The following WDR20 variants were observed in gnomAD, a reference collection of about 807,000 sequenced individuals.
WDR20 encodes the protein WD repeat-containing protein 20.
WDR20 carries 3 observed loss-of-function variants against 38.7 expected under a neutral mutation model. The observed-to-expected ratio is 0.08, with a 90% CI of 0.04 to 0.20. The LOEUF (loss-of-function observed/expected upper bound fraction) is 0.20, where lower values mean the gene tolerates loss of function less well. WDR20 is among the 10% of genes least tolerant of loss of function. WDR20 has a pLI of 1.00. For synonymous variants in WDR20, 298 were observed against 285.6 expected (o/e 1.04, Z -0.44); for missense variants, 559 against 727.7 (o/e 0.77, Z 2.67).
At chr14:102,197,942 A>G (rs2059678900) in intron 2 of WDR20, 1 of 610,918 alleles carries the variant, frequency 1.6e-6, no homozygotes, top group Non-Finnish European at 3.0e-6. Context: ...GGTCTGCAGC[A>G]GTGGGCAAAA....
At chr14:102,205,165 G>T (rs530400018) in intron 2 of WDR20, among the ~76,000 whole-genome samples, 38 of 152,228 alleles carry the variant, frequency 2.5e-4, no homozygotes, top group African/African-American at 8.4e-4. Context: ...GGAGGCTGAG[G>T]TGGGAGGATT....
chr14:102,206,641 G>T (rs2061585139), intron 2 of WDR20, among the ~76,000 whole-genome samples: 1 of 152,234 alleles, frequency 6.6e-6, no homozygotes, highest in African/African-American at 2.4e-5. Flanking sequence ...AATCAGGACA[G>T]CAGTCTGGCT....
At chr14:102,186,854 G>C (rs747521351) in intron 1 of WDR20, among the ~76,000 whole-genome samples, 10 of 152,008 alleles carry the variant, frequency 6.6e-5, no homozygotes, top group Non-Finnish European at 1.0e-4. Flanking sequence ...GGAGGCTGAG[G>C]CAGGAGAATG....
At chr14:102,213,779 G>C (rs1384899182), downstream of WDR20, 1 of 985,314 alleles carries the variant, frequency 1.0e-6, no homozygotes. Flanking sequence ...CTCTCGCCTG[G>C]GAGGGAGACG....
intron 2 of WDR20, among the ~76,000 whole-genome samples, chr14:102,206,698 G>A (rs926154709): frequency 2.4e-4 from 37 of 152,354 alleles, no homozygotes; most frequent in African/African-American, 8.9e-4. Flanking sequence ...CAAGGCCAGT[G>A]ATGGAGCGAG....
At chr14:102,173,959 G>A (rs1344490098) in intron 1 of WDR20, among the ~76,000 whole-genome samples, 1 of 151,640 alleles carries the variant, frequency 6.6e-6, no homozygotes, top group Non-Finnish European at 1.5e-5. Flanking sequence ...CAGGAGAATG[G>A]TGTGAACCCG....
intron 1 of WDR20, among the ~76,000 whole-genome samples, chr14:102,146,941 G>A (rs1182133321): frequency 1.3e-5 from 2 of 152,108 alleles, no homozygotes; most frequent in Non-Finnish European, 2.9e-5. Context: ...GGAAACTTGT[G>A]TTTCTTTTCC....
chr14:102,162,663 C>T (rs1371548788), intron 1 of WDR20, among the ~76,000 whole-genome samples: 1 of 152,082 alleles, frequency 6.6e-6, no homozygotes, highest in Admixed American at 6.6e-5. Context: ...GTTGCCCAGG[C>T]TGGAGTGCAG....
chr14:102,222,957 G>GC lies in WDR20; in HGVS notation c.*76dup, dbSNP rs1224988145. On this transcript the variant is annotated 3_prime_UTR_variant, in exon 4 of 4. Coordinates refer to the WDR20 transcript ENST00000335263. The surrounding 1 kb of genome is among the most constrained non-coding windows in gnomAD (Gnocchi z 4.4). ...GTGACGAGGAGGAGCTCCGAGCTGC[G>GC]CCTGAGCCGTGCCAGCCGGCGGACC... 2.3e-5 allele frequency: 37 copies of GC among 1,584,414 alleles called. No individual in the cohort carries two copies. The highest frequency in any genetic ancestry group is 3.1e-5 in the Non-Finnish European group (36 of 1,156,050).
chr14:102,167,746 T>C (rs1049103105), intron 1 of WDR20: 6 of 152,220 alleles, frequency 3.9e-5, no homozygotes, highest in African/African-American at 1.4e-4. Context: ...AATTGAAATG[T>C]AATGTCTCTT....
At chr14:102,192,011 A>G (rs1000306477) in intron 1 of WDR20, among the ~76,000 whole-genome samples, 6 of 152,212 alleles carry the variant, frequency 3.9e-5, no homozygotes, top group Non-Finnish European at 7.3e-5. Flanking sequence ...GTCCGTTGCC[A>G]TAAAAGTTTC....
chr14:102,215,733 T>C (rs189798346), downstream of WDR20, among the ~76,000 whole-genome samples: 92 of 152,336 alleles, frequency 6.0e-4, no homozygotes, highest in Middle Eastern at 6.8e-3. Flanking sequence ...GGCGTGAGGT[T>C]GTCCTGCTGT....
intron 1 of WDR20, among the ~76,000 whole-genome samples, chr14:102,160,298 A>C (rs1175305080): frequency 6.6e-6 from 1 of 152,198 alleles, no homozygotes; most frequent in Non-Finnish European, 1.5e-5. Context: ...TGGTTGCAGC[A>C]TATAGAACAA....
At chr14:102,210,687 TTG>T, downstream of WDR20, among the ~76,000 whole-genome samples, 1 of 152,088 alleles carries the variant, frequency 6.6e-6, no homozygotes, top group South Asian at 2.1e-4. Context: ...TGCACTTTGC[TTG>T]TGTGTTTTCC....
At chr14:102,172,591 C>T (rs1163779189) in intron 1 of WDR20, among the ~76,000 whole-genome samples, 1 of 148,234 alleles carries the variant, frequency 6.7e-6, no homozygotes, top group Non-Finnish European at 1.5e-5. Flanking sequence ...AGGGGCTCCT[C>T]ACTTCCCAGT....
chr14:102,194,574 G>T (rs115247816), intron 1 of WDR20, among the ~76,000 whole-genome samples: 8 of 152,288 alleles, frequency 5.3e-5, no homozygotes, highest in African/African-American at 1.9e-4. Flanking sequence ...TTTGAAAGCC[G>T]AGCTTTTTAT....
intron 2 of WDR20, among the ~76,000 whole-genome samples, chr14:102,202,567 A>G (rs1022564288): frequency 2.0e-5 from 3 of 151,394 alleles, no homozygotes; most frequent in African/African-American, 7.3e-5. Flanking sequence ...TTTTTAGTAG[A>G]GACAGGGTTT....
At chr14:102,202,466 T>C (rs1008649078) in intron 2 of WDR20, among the ~76,000 whole-genome samples, 8 of 142,332 alleles carry the variant, frequency 5.6e-5, no homozygotes, top group East Asian at 4.8e-4. Context: ...TGCAAACCTC[T>C]GCCTCCCGAG....
rs148232868 is a variant in WDR20, at chr14:102,170,285, A to G, written c.250-24653A>G. 1.0e-3 allele frequency among the ~76,000 whole-genome samples: 156 copies of G among 152,336 alleles called. 2 individuals carry two copies. Among genetic ancestry groups the G allele is most frequent in the Admixed American group, 8.6e-3 (132 of 15,300 alleles). ...TCTAGTCTTTACACGCTATACTGCA[A>G]TAAATCACTTTGTACATACATCATT... On this transcript the variant is annotated intron_variant, in intron 1 of 2. Coordinates refer to ENST00000342702, the MANE Select transcript of WDR20 (RefSeq NM_144574.4).
Sources: allele counts gnomAD v4.1 joint callset (sites outside exome capture counted in the v4.1 genomes callset), GRCh38; gene constraint gnomAD v4.1.1; non-coding constraint Gnocchi (gnomAD v3.1); transcripts MANE v1.5; gene names NCBI Gene and HGNC (gene_info 2026-07-23, HGNC 2026-07-21).